The following CHD1L variants were observed in gnomAD, a reference collection of about 807,000 sequenced individuals.
CHD1L encodes the protein chromodomain helicase DNA binding protein 1 like.
Under a neutral mutation model 115.9 loss-of-function variants are expected in CHD1L, and 118 were observed. The observed-to-expected ratio is 1.02, with a 90% CI of 0.88 to 1.19. The LOEUF is 1.19. Among genes scored for constraint, CHD1L ranks in the 50% most tolerant of loss-of-function variants. CHD1L has a pLI of 0.00. For missense variants in CHD1L, 1,179 were observed against 1,065.3 expected (o/e 1.11, Z -1.49); for synonymous variants, 411 against 387.1 (o/e 1.06, Z -0.72).
At chr1:147,198,972 T>C in the CHD1L span, among the ~76,000 whole-genome samples, 1 of 151,950 alleles carries the variant, frequency 6.6e-6, no homozygotes, top group African/African-American at 2.4e-5. Flanking sequence ...ATCCAGAGAT[T>C]TGGTGTAACT....
chr1:147,265,002 A>G (rs1027617605), intron 7 of CHD1L, among the ~76,000 whole-genome samples: 2 of 152,142 alleles, frequency 1.3e-5, no homozygotes, highest in Non-Finnish European at 2.9e-5. Flanking sequence ...GCTGCACCAA[A>G]ACCAGAATTC....
chr1:147,289,154 G>A (rs1223303399), intron 19 of CHD1L, among the ~76,000 whole-genome samples: 1 of 152,162 alleles, frequency 6.6e-6, no homozygotes, highest in Non-Finnish European at 1.5e-5. Flanking sequence ...TGATTGGGCA[G>A]TTGGCAAAGC....
At chr1:147,287,020 C>T (rs1683427172) in intron 18 of CHD1L, among the ~76,000 whole-genome samples, 1 of 152,216 alleles carries the variant, frequency 6.6e-6, no homozygotes, top group African/African-American at 2.4e-5. Flanking sequence ...TCCTTTATCA[C>T]ACCTGTCCCA....
At chr1:147,203,511 T>A in the CHD1L span, 53,036 of 867,564 alleles carry the variant, frequency 0.061, 2,400 homozygotes, top group East Asian at 0.2. Flanking sequence ...CTTCTTGAGG[T>A]ACTGCATAAA....
intron 6 of CHD1L, chr1:147,260,514 C>T (rs181132383): frequency 1.3e-5 from 2 of 152,150 alleles, no homozygotes; most frequent in Admixed American, 6.5e-5. Context: ...GAATAAGAAC[C>T]CTACCCCAAT....
At chr1:147,242,090 A>C (rs57949622), upstream of CHD1L, among the ~76,000 whole-genome samples, 1,852 of 152,270 alleles carry the variant, frequency 0.012, 33 homozygotes, top group African/African-American at 0.042. Flanking sequence ...GGTGACCCCT[A>C]ACTGAACACA....
the CHD1L span, among the ~76,000 whole-genome samples, chr1:147,193,396 T>C: frequency 6.6e-6 from 1 of 152,154 alleles, no homozygotes; most frequent in African/African-American, 2.4e-5. Context: ...GATTCTTCTC[T>C]TTTCTTCTTT....
intron 1 of CHD1L, among the ~76,000 whole-genome samples, chr1:147,249,721 C>A (rs1341156264): frequency 6.6e-6 from 1 of 152,070 alleles, no homozygotes; most frequent in Non-Finnish European, 1.5e-5. Context: ...GTTATGTTTG[C>A]GGTTTACTCA....
chr1:147,186,590 A>T, the CHD1L span: 2 of 1,058,462 alleles, frequency 1.9e-6, no homozygotes, highest in Non-Finnish European at 2.3e-6. Flanking sequence ...AACAACAAAC[A>T]TTTATTAAGC....
At chr1:147,255,964 C>T (rs372067411) in intron 4 of CHD1L, 37 bp downstream of exon 4, 12 of 1,414,744 alleles carry the variant, frequency 8.5e-6, no homozygotes, top group African/African-American at 4.2e-5. Context: ...AACTCCTAAC[C>T]TGTGACCTTA....
chr1:147,204,687 A>C, the CHD1L span: 8 of 1,565,468 alleles, frequency 5.1e-6, no homozygotes, highest in Non-Finnish European at 7.0e-6. Flanking sequence ...TCATTTTTGC[A>C]GCAGGATGCT....
chr1:147,212,493 T>C, the CHD1L span: 12 of 1,613,716 alleles, frequency 7.4e-6, no homozygotes, highest in Admixed American at 5.0e-5. Context: ...TGGGTTCTTA[T>C]AGTCTCGACT....
intron 1 of CHD1L, among the ~76,000 whole-genome samples, chr1:147,243,240 G>C (rs916075514): frequency 6.6e-6 from 1 of 152,102 alleles, no homozygotes; most frequent in African/African-American, 2.4e-5. Context: ...TCTGTAAAAC[G>C]ATCAACTCAT....
At chr1:147,204,196 A>G in the CHD1L span, 1 of 1,371,538 alleles carries the variant, frequency 7.3e-7, no homozygotes, top group East Asian at 2.3e-5. Context: ...TCATGCCATC[A>G]AAAGGACAAG....
chr1:147,283,958 C>T (rs1214011154), intron 15 of CHD1L, among the ~76,000 whole-genome samples: 1 of 152,128 alleles, frequency 6.6e-6, no homozygotes, highest in East Asian at 1.9e-4. Flanking sequence ...ATAGATTTGC[C>T]AAGCTGAATA....
the CHD1L span, among the ~76,000 whole-genome samples, chr1:147,220,390 A>C: frequency 6.6e-6 from 1 of 152,330 alleles, no homozygotes; most frequent in Admixed American, 6.5e-5. Flanking sequence ...CTATAGATAC[A>C]ATGCAATCTC....
At chr1:147,236,544 G>A in the CHD1L span, among the ~76,000 whole-genome samples, 1 of 152,104 alleles carries the variant, frequency 6.6e-6, no homozygotes, top group Non-Finnish European at 1.5e-5. Flanking sequence ...CCACAGGCAG[G>A]TTGTCCCATT....
the CHD1L span, among the ~76,000 whole-genome samples, chr1:147,182,729 G>A: frequency 6.6e-6 from 1 of 152,144 alleles, no homozygotes; most frequent in Non-Finnish European, 1.5e-5. Context: ...AAGGAGCTGG[G>A]GAATTTGGGA....
the CHD1L span, chr1:147,203,808 C>T: frequency 6.4e-7 from 1 of 1,551,488 alleles, no homozygotes; most frequent in Non-Finnish European, 8.9e-7. Context: ...CCCCGAAGTA[C>T]TATGGTAGAA....
Sources: allele counts gnomAD v4.1 joint callset (sites outside exome capture counted in the v4.1 genomes callset), GRCh38; gene constraint gnomAD v4.1.1; transcripts MANE v1.5; gene names NCBI Gene and HGNC (gene_info 2026-07-23, HGNC 2026-07-21).